Variants in GALNS observed in about 807,000 individuals in gnomAD.
GALNS encodes N-acetylgalactosamine-6-sulfatase.
A neutral mutation model predicts 65.9 loss-of-function variants in GALNS; 65 were observed. The observed-to-expected ratio is 0.99, with a 90% CI of 0.81 to 1.21. GALNS has a LOEUF of 1.21. Among genes scored for constraint, GALNS ranks in the 50% most tolerant of loss-of-function variants. The pLI is 0.00. For synonymous variants in GALNS, 346 were observed against 288.9 expected (o/e 1.20, Z -2.00); for missense variants, 776 against 700.7 (o/e 1.11, Z -1.21).
At chr16:88,817,951 G>A (rs1909807408) in intron 13 of GALNS, 56 bp downstream of exon 13, 19 of 1,401,810 alleles carry the variant, frequency 1.4e-5, no homozygotes, top group South Asian at 4.9e-5. Context: ...CCTGGGCCCC[G>A]GGTGGGTGGC....
chr16:88,836,733 C>G (rs934973285), intron 5 of GALNS, among the ~76,000 whole-genome samples: 5 of 152,360 alleles, frequency 3.3e-5, no homozygotes, highest in Admixed American at 3.3e-4. Context: ...CCTCGCTCCC[C>G]CAGGGCACGG....
intron 2 of GALNS, 28 bp downstream of exon 2, chr16:88,842,678 C>T (rs202214494): frequency 2.8e-4 from 459 of 1,610,650 alleles, no homozygotes; most frequent in Non-Finnish European, 3.3e-4. Context: ...CTCACCCCTT[C>T]CTGGGGGCGA....
chr16:88,816,585 G>A (rs1048939373), intron 13 of GALNS: 4 of 982,414 alleles, frequency 4.1e-6, no homozygotes, highest in Non-Finnish European at 4.8e-6. Context: ...CTGCAGGGTG[G>A]ACTGTCCCTG....
rs2303270 is a variant in GALNS, at chr16:88,824,811, C to T, written c.1198G>A (p.Ala400Thr). The T allele has an allele frequency of 1.5e-5, 24 of 1,613,330 alleles. No homozygotes were observed. The East Asian group carries it at 3.1e-4, about 21-fold the overall frequency. ...GAGTTGGTCCAGGTCCAGAAGTGAG[C>T]CTTGTGCTGCCCGAGGGTGGCCGCC... ...LMAATLGQHKAHFWTWTNSWE... is the reference protein window; with the variant it reads ...LMAATLGQHKTHFWTWTNSWE... Residue 400 changes from alanine (A) to threonine (T), a missense_variant, in exon 11 of 14, where the codon GCT becomes ACT. Physicochemically the swap from Ala to Thr is moderately conservative, Grantham distance 58 (BLOSUM62 0). Transcript: ENST00000268695.
chr16:88,826,015 A>G (rs1910856687), intron 10 of GALNS, among the ~76,000 whole-genome samples: 1 of 152,090 alleles, frequency 6.6e-6, no homozygotes, highest in Non-Finnish European at 1.5e-5. Context: ...TTTGGACACT[A>G]AGGATTTGGA....
At chr16:88,842,654 C>T in intron 2 of GALNS, 52 bp downstream of exon 2, 1 of 1,602,330 alleles carries the variant, frequency 6.2e-7, no homozygotes, top group African/African-American at 1.3e-5. Context: ...CCCGGGAGGC[C>T]TCGGCCTGTT....
intron 1 of GALNS, chr16:88,844,906 G>A (rs899798373): frequency 6.6e-5 from 10 of 152,268 alleles, no homozygotes; most frequent in Admixed American, 2.0e-4. Flanking sequence ...GCCAGCATGC[G>A]AGCAGATGTG....
At chr16:88,818,899 C>T (rs1166285594) in intron 12 of GALNS, among the ~76,000 whole-genome samples, 1 of 152,190 alleles carries the variant, frequency 6.6e-6, no homozygotes. Flanking sequence ...CTGGGAGCTG[C>T]GTTGCTGCTG....
At chr16:88,817,202 G>A (rs1909721700) in intron 13 of GALNS, 1 of 985,158 alleles carries the variant, frequency 1.0e-6, no homozygotes, top group African/African-American at 1.7e-5. Context: ...GGACAGAAAA[G>A]CTGCTCCTGA....
At chr16:88,815,753 G>A (rs762537292) in intron 13 of GALNS, 23 of 985,344 alleles carry the variant, frequency 2.3e-5, no homozygotes, top group African/African-American at 3.5e-5. Context: ...TGCCGCATGA[G>A]TGTCCCTGCC....
intron 4 of GALNS, among the ~76,000 whole-genome samples, chr16:88,839,528 T>G (rs992818724): frequency 3.9e-5 from 6 of 152,236 alleles, no homozygotes; most frequent in Non-Finnish European, 5.9e-5. Context: ...CGTGGCTTCA[T>G]GCAGATCAAG....
chr16:88,828,322 A>G (rs989329944), intron 9 of GALNS, among the ~76,000 whole-genome samples: 14 of 152,200 alleles, frequency 9.2e-5, no homozygotes, highest in Non-Finnish European at 1.6e-4. Context: ...GTCCTCGTGG[A>G]GCGTTTTCGA....
Position 88,842,720 on chromosome 16 carries a change from G to C in GALNS, c.230C>G (p.Pro77Arg), listed in dbSNP as rs1422505598. ...LLFPNFYSANPLCSPSRAALL... is the reference protein window; with the variant it reads ...LLFPNFYSANRLCSPSRAALL... ...CGCTGACTTACATGGCGAGCACAGA[G>C]GGTTGGCAGAATAGAAGTTTGGGAA... The change falls in exon 2 of 14, where the codon CCT (proline) becomes CGT (arginine). Residue 77 changes from proline to arginine, a missense_variant. Coordinates refer to ENST00000268695, the MANE Select transcript of GALNS (RefSeq NM_000512.5). 2.5e-6 allele frequency: 4 copies of C among 1,612,948 alleles called. No homozygotes were observed. In the South Asian group the frequency reaches 4.4e-5, roughly 18 times the overall value.
chr16:88,852,072 C>A (rs1056824504), intron 1 of GALNS, among the ~76,000 whole-genome samples: 2 of 152,210 alleles, frequency 1.3e-5, no homozygotes, highest in East Asian at 3.8e-4. Flanking sequence ...GGTCCCTGAC[C>A]CCCGTGTAGC....
At chr16:88,824,734 G>A (rs1466487798) in intron 11 of GALNS, 33 bp downstream of exon 11, 1 of 1,578,866 alleles carries the variant, frequency 6.3e-7, no homozygotes, top group South Asian at 1.1e-5. Flanking sequence ...GATGGGGGCA[G>A]CTCCGCCTGC....
At chr16:88,855,945 G>A (rs1447278414) in intron 1 of GALNS, 2 of 574,150 alleles carry the variant, frequency 3.5e-6, no homozygotes, top group Non-Finnish European at 6.2e-6. Flanking sequence ...GGCGGGACAG[G>A]TGTAACCCCC....
At chr16:88,825,122 G>A (rs1567519704) in intron 10 of GALNS, among the ~76,000 whole-genome samples, 228 of 129,574 alleles carry the variant, frequency 1.8e-3, no homozygotes, top group African/African-American at 7.2e-3. Context: ...GGTGTCTGGG[G>A]CTGGGGTGTC....
At chr16:88,854,819 C>G (rs1009142093) in intron 1 of GALNS, among the ~76,000 whole-genome samples, 1 of 152,266 alleles carries the variant, frequency 6.6e-6, no homozygotes, top group Admixed American at 6.5e-5. Flanking sequence ...GTCACTTTGA[C>G]TTCATCTTCT....
chr16:88,816,911 G>T (rs554127152), intron 13 of GALNS: 6 of 985,346 alleles, frequency 6.1e-6, no homozygotes, highest in Non-Finnish European at 7.2e-6. Context: ...CGCCCAGCCC[G>T]TGTAAACAGG....
Sources: allele counts gnomAD v4.1 joint callset (sites outside exome capture counted in the v4.1 genomes callset), GRCh38; gene constraint gnomAD v4.1.1; transcripts MANE v1.5; gene names NCBI Gene and HGNC (gene_info 2026-07-23, HGNC 2026-07-21).